GNAQ: variants seen among roughly 807,000 people sequenced by gnomAD.
The protein encoded by GNAQ is guanine nucleotide-binding protein G(q) subunit alpha.
A neutral mutation model predicts 43.9 loss-of-function variants in GNAQ; 8 were observed. That is an observed-to-expected ratio of 0.18 (90% CI 0.11 to 0.33). The LOEUF is 0.33. Ranked by LOEUF, GNAQ falls within the 10% of genes least tolerant of loss-of-function variation. The pLI, the probability that GNAQ is intolerant of heterozygous loss-of-function variation, is 1.00. For missense variants in GNAQ, 158 were observed against 450.8 expected (o/e 0.35, Z 5.88); for synonymous variants, 155 against 170.7 (o/e 0.91, Z 0.71).
chr9:77,883,808 C>T (rs1277558925), intron 2 of GNAQ, among the ~76,000 whole-genome samples: 1 of 152,162 alleles, frequency 6.6e-6, no homozygotes, highest in Admixed American at 6.5e-5. Flanking sequence ...TTGCTTCCTC[C>T]ACTTACTCCA....
chr9:77,965,746 CA>C (rs1823158217), intron 1 of GNAQ, among the ~76,000 whole-genome samples: 1 of 151,718 alleles, frequency 6.6e-6, no homozygotes, highest in South Asian at 2.1e-4. Flanking sequence ...TATTAAAAAT[CA>C]CTTTGGAAAA....
intron 5 of GNAQ, among the ~76,000 whole-genome samples, chr9:77,772,618 A>G (rs539077695): frequency 1.3e-5 from 2 of 152,214 alleles, no homozygotes; most frequent in African/African-American, 4.8e-5. Context: ...AACAAAAATC[A>G]GAAGAGAGAA....
At chr9:77,829,043 G>A (rs996477810) in intron 2 of GNAQ, among the ~76,000 whole-genome samples, 25 of 152,156 alleles carry the variant, frequency 1.6e-4, no homozygotes, top group African/African-American at 5.1e-4. Flanking sequence ...ATCACAAAAA[G>A]GCCAGGATGT....
chr9:77,764,119 C>A (rs527945723), intron 5 of GNAQ, among the ~76,000 whole-genome samples: 1 of 152,124 alleles, frequency 6.6e-6, no homozygotes, highest in African/African-American at 2.4e-5. Context: ...AAACCAAATA[C>A]AAACCTATAC....
At chr9:77,763,641 T>C (rs1826090909) in intron 5 of GNAQ, among the ~76,000 whole-genome samples, 1 of 152,228 alleles carries the variant, frequency 6.6e-6, no homozygotes, top group Non-Finnish European at 1.5e-5. Flanking sequence ...GAAGAGATAT[T>C]ATTTACATTC....
intron 4 of GNAQ, among the ~76,000 whole-genome samples, chr9:77,796,614 G>A (rs1215461659): frequency 6.6e-6 from 1 of 152,152 alleles, no homozygotes; most frequent in African/African-American, 2.4e-5. Context: ...GAGAGATGAG[G>A]TAATAAATTT....
chr9:77,743,816 A>C (rs1825691381), intron 5 of GNAQ, among the ~76,000 whole-genome samples: 1 of 152,232 alleles, frequency 6.6e-6, no homozygotes, highest in African/African-American at 2.4e-5. Context: ...TTAAGGTTTG[A>C]ATAAGTGATT....
At chr9:77,973,676 G>C (rs1358286256) in intron 1 of GNAQ, among the ~76,000 whole-genome samples, 2 of 152,132 alleles carry the variant, frequency 1.3e-5, no homozygotes, top group Non-Finnish European at 1.5e-5. Flanking sequence ...AATTAGCTGG[G>C]CATGGTGGCG....
At chr9:77,921,545 A>G (rs1828997269) in intron 2 of GNAQ, among the ~76,000 whole-genome samples, 1 of 152,226 alleles carries the variant, frequency 6.6e-6, no homozygotes, top group African/African-American at 2.4e-5. Flanking sequence ...CTTATTTTGT[A>G]AAAAGCTAAA....
intron 2 of GNAQ, among the ~76,000 whole-genome samples, chr9:77,832,676 G>C (rs936093099): frequency 6.6e-6 from 1 of 152,162 alleles, no homozygotes; most frequent in Non-Finnish European, 1.5e-5. Context: ...TATATACCAG[G>C]GATCTATGCG....
intron 1 of GNAQ, among the ~76,000 whole-genome samples, chr9:78,003,771 G>C (rs1823672410): frequency 6.6e-6 from 1 of 150,636 alleles, no homozygotes; most frequent in African/African-American, 2.4e-5. Flanking sequence ...AGCCTAGATA[G>C]CGTCATTGCA....
chr9:77,869,303 C>T (rs1827998396), intron 2 of GNAQ, among the ~76,000 whole-genome samples: 2 of 152,092 alleles, frequency 1.3e-5, no homozygotes, highest in African/African-American at 4.8e-5. Context: ...CAATTTTGAG[C>T]CATTTTCATT....
intron 1 of GNAQ, among the ~76,000 whole-genome samples, chr9:77,938,482 C>A (rs1829265666): frequency 6.6e-6 from 1 of 152,138 alleles, no homozygotes; most frequent in Non-Finnish European, 1.5e-5. Flanking sequence ...AGAAACACAA[C>A]AAATAAATGG....
chr9:77,847,965 T>C (rs904768519), intron 2 of GNAQ, among the ~76,000 whole-genome samples: 2 of 152,226 alleles, frequency 1.3e-5, no homozygotes, highest in African/African-American at 4.8e-5. Flanking sequence ...CCATTTCAGT[T>C]TCTCTCCCTT....
At chr9:77,955,895 G>C (rs1161175462) in intron 1 of GNAQ, among the ~76,000 whole-genome samples, 1 of 152,094 alleles carries the variant, frequency 6.6e-6, no homozygotes, top group Admixed American at 6.6e-5. Context: ...CTGATGACAG[G>C]AATCACTTAT....
intron 2 of GNAQ, among the ~76,000 whole-genome samples, chr9:77,913,302 ATATAAT>A (rs1029507720): frequency 6.7e-6 from 1 of 149,710 alleles, no homozygotes; most frequent in African/African-American, 2.4e-5. Flanking sequence ...AATTATATAT[ATATAAT>A]TATAACAAAT....
intron 5 of GNAQ, among the ~76,000 whole-genome samples, chr9:77,779,680 C>CAAAAAAAAAAAAAAAAAAAAAAAAAAA (rs58014303): frequency 1.0e-5 from 1 of 95,942 alleles, no homozygotes. Context: ...AAAAACAAAA[C>CAAAAAAAAAAAAAAAAAAAAAAAAAAA]AAAAAAAAAA....
chr9:78,014,516 G>A (rs1210239900), intron 1 of GNAQ, among the ~76,000 whole-genome samples: 1 of 152,076 alleles, frequency 6.6e-6, no homozygotes, highest in East Asian at 1.9e-4. Flanking sequence ...TGAGGCAGGA[G>A]AATTGCTTGA....
rs558512361 is a variant in GNAQ at position 78,005,028 on chromosome 9, T to C, written c.136+26072A>G. On this transcript the variant is annotated intron_variant, in intron 1 of 6. Transcript: ENST00000286548. Reference sequence around the variant, plus strand: ...TTCACAATGAATGCAATGTAATTAATGGTTTGGAGAGATGACAAAACTACA... The same window carrying C: ...TTCACAATGAATGCAATGTAATTAACGGTTTGGAGAGATGACAAAACTACA... Among the ~76,000 whole-genome samples, 5 of 152,246 alleles carry C rather than the reference T, an allele frequency of 3.3e-5. No individual in the cohort carries two copies. In the East Asian group the frequency reaches 5.8e-4, roughly 18 times the overall value.
Sources: gnomAD v4.1 joint callset for allele counts (sites outside exome capture counted in the v4.1 genomes callset) on GRCh38, gnomAD v4.1.1 for gene constraint, MANE v1.5 for transcripts, NCBI Gene and HGNC (gene_info 2026-07-23, HGNC 2026-07-21) for gene names.